MRPL37: variants seen among roughly 807,000 people sequenced by gnomAD.
MRPL37 encodes large ribosomal subunit protein mL37.
MRPL37 carries 34 observed loss-of-function variants against 44.1 expected under a neutral mutation model. That is an observed-to-expected ratio of 0.77 (90% CI 0.59 to 1.03). The LOEUF (loss-of-function observed/expected upper bound fraction) is 1.03. Among genes scored for constraint, MRPL37 ranks in the 50% least tolerant of loss-of-function variants. The pLI, the probability that MRPL37 is intolerant of heterozygous loss-of-function variation, is 0.00. For missense variants in MRPL37, 532 were observed against 543.7 expected (o/e 0.98, Z 0.21); for synonymous variants, 212 against 219.5 (o/e 0.97, Z 0.30).
chr1:54,205,490 C>T (rs1215596332), intron 3 of MRPL37, 80 bp downstream of exon 3: 4 of 1,168,946 alleles, frequency 3.4e-6, no homozygotes, highest in Non-Finnish European at 5.0e-6. Flanking sequence ...AGCTCCCATC[C>T]CCCTGCCCCC....
chr1:54,220,692 C>T, downstream of MRPL37: 1 of 471,586 alleles, frequency 2.1e-6, no homozygotes, highest in African/African-American at 2.0e-5. Context: ...GGAAGTGATG[C>T]AGCGGAACTT....
In MRPL37 at chr1:54,218,175, C is replaced by A. The variant is rs1408939937; in HGVS notation, c.1198C>A (p.Pro400Thr). The A allele has an allele frequency of 3.1e-6, 5 of 1,613,946 alleles. No individual in the cohort carries two copies. Among genetic ancestry groups the A allele is most frequent in the Non-Finnish European group, 4.2e-6 (5 of 1,179,904 alleles). Residue 400 changes from proline to threonine, a missense_variant, in exon 7 of 7, where the codon CCT becomes ACT. Transcript: ENST00000360840. ...TAATGAACCGTGTTCTTTCCAGGAA[C>A]CTGTTGGCCCAGTTGGTTTCAAGCC... ...PVIKKRVVVE[P>T]VGPVGFKPET...
At chr1:54,225,030 G>T, downstream of MRPL37, 2 of 1,180,932 alleles carry the variant, frequency 1.7e-6, no homozygotes, top group South Asian at 8.7e-5. Context: ...TCCCACCCGA[G>T]GGGAGAAAGC....
At position 54,212,510 on chromosome 1, in the gene MRPL37, A is replaced by C. The variant is rs1644171882; in HGVS notation, c.842A>C (p.Glu281Ala). 6.2e-7 allele frequency: 1 copy of C among 1,613,844 alleles called. No individual in the cohort carries two copies. Among genetic ancestry groups the C allele is most frequent in the Non-Finnish European group, 8.5e-7 (1 of 1,179,922 alleles). ...ATTGTGTCTCTTGCAGGATTCCAGG[A>C]AGGCTATCCTTACCCCTATCCCCAT... ...YDVKNDTGFQ[E>A]GYPYPYPHTL... The change falls in exon 5 of 7, where the codon GAA (glutamate) becomes GCA (alanine). Residue 281 changes from glutamate to alanine, a missense_variant. By Grantham distance (107) the Glu-to-Ala change is moderately radical (BLOSUM62 -1). Transcript: ENST00000360840.
At chr1:54,209,803 C>G in intron 3 of MRPL37, 143 bp from the exon 4 acceptor site, 2 of 802,646 alleles carry the variant, frequency 2.5e-6, no homozygotes, top group Non-Finnish European at 3.9e-6. Context: ...TGTCATGTTG[C>G]CCAGGCTGAC....
chr1:54,224,139 C>T (rs1223943223), downstream of MRPL37, among the ~76,000 whole-genome samples: 1 of 152,062 alleles, frequency 6.6e-6, no homozygotes, highest in Admixed American at 6.5e-5. Context: ...ATATCCCATC[C>T]ACCCAACCTC....
At chr1:54,220,096 A>G (rs1644222973), downstream of MRPL37, among the ~76,000 whole-genome samples, 1 of 152,012 alleles carries the variant, frequency 6.6e-6, no homozygotes, top group Non-Finnish European at 1.5e-5. Flanking sequence ...TTGGGAGTAC[A>G]GAGGAGGAGC....
chr1:54,222,743 A>G (rs1163858412), downstream of MRPL37, among the ~76,000 whole-genome samples: 3 of 152,064 alleles, frequency 2.0e-5, no homozygotes, highest in African/African-American at 2.4e-5. Flanking sequence ...AACAACTCCC[A>G]TGGTATGTCT....
At chr1:54,202,668 T>C (rs1644093305) in intron 1 of MRPL37, among the ~76,000 whole-genome samples, 1 of 152,150 alleles carries the variant, frequency 6.6e-6, no homozygotes, top group Admixed American at 6.5e-5. Context: ...GCCTGGCTAA[T>C]TTTTTGTATT....
At chr1:54,214,222 A>T (rs1356966562) in intron 5 of MRPL37, among the ~76,000 whole-genome samples, 1 of 152,168 alleles carries the variant, frequency 6.6e-6, no homozygotes, top group African/African-American at 2.4e-5. Flanking sequence ...CAACCACTGA[A>T]CTGAAATTTC....
chr1:54,216,871 C>T (rs1217975670), intron 6 of MRPL37, among the ~76,000 whole-genome samples: 1 of 151,998 alleles, frequency 6.6e-6, no homozygotes, highest in East Asian at 1.9e-4. Context: ...GTTTTTTTTC[C>T]TCCACCAAAC....
chr1:54,206,111 TTTTA>T (rs757463220), intron 3 of MRPL37, among the ~76,000 whole-genome samples: 1 of 148,302 alleles, frequency 6.7e-6, no homozygotes, highest in East Asian at 1.9e-4. Flanking sequence ...TATTTATTTA[TTTTA>T]TTTATTTATT....
At chr1:54,225,222 T>C, downstream of MRPL37, 2 of 1,234,314 alleles carry the variant, frequency 1.6e-6, no homozygotes, top group African/African-American at 1.5e-5. Context: ...GTGAGATGGA[T>C]ACCTTCCCTC....
At chr1:54,203,726 T>G (rs1644101136) in intron 1 of MRPL37, among the ~76,000 whole-genome samples, 1 of 151,936 alleles carries the variant, frequency 6.6e-6, no homozygotes, top group African/African-American at 2.4e-5. Context: ...TCTGCCCACC[T>G]CAGCCTCCCA....
chr1:54,225,145 C>T (rs75197297), downstream of MRPL37: 384 of 1,234,320 alleles, frequency 3.1e-4, no homozygotes, highest in East Asian at 2.9e-3. Flanking sequence ...GACATTCCAG[C>T]GGACCAAAAT....
downstream of MRPL37, chr1:54,220,673 C>T (rs530223247): frequency 1.5e-3 from 707 of 471,788 alleles, 16 homozygotes; most frequent in Admixed American, 0.015. Context: ...CCTCATTCAA[C>T]GCAGGAGAGG....
At chr1:54,218,968 C>A (rs1245147659), downstream of MRPL37, among the ~76,000 whole-genome samples, 1 of 152,256 alleles carries the variant, frequency 6.6e-6, no homozygotes, top group East Asian at 1.9e-4. Context: ...GGAATTTGCC[C>A]ACGGTCACCC....
chr1:54,210,070 C>T lies in MRPL37; in HGVS notation c.771C>T (p.Tyr257=), dbSNP rs761188343. ...AGAATCATGTTCTAGAGACCTTCTA[C>T]CCCATATCACCCATCATCGATCTTC... ...ATKNHVLETF[Y]PISPIIDLHE... The change falls in exon 4 of 7, where the codon TAC becomes TAT. Residue 257 remains tyrosine (Y), a synonymous_variant. Coordinates refer to ENST00000360840, the MANE Select transcript of MRPL37 (RefSeq NM_016491.4). 3 of 1,614,148 alleles carry T rather than the reference C, an allele frequency of 1.9e-6. No individual in the cohort carries two copies. Among genetic ancestry groups the T allele is most frequent in the Admixed American group, 3.3e-5 (2 of 60,022 alleles).
At chr1:54,225,067 G>A (rs1476620186), downstream of MRPL37, 29 of 1,231,678 alleles carry the variant, frequency 2.4e-5, no homozygotes, top group Admixed American at 8.4e-5. Flanking sequence ...CCTCCTGGCC[G>A]ATAGCGACTC....
Sources: gnomAD v4.1 joint callset for allele counts (sites outside exome capture counted in the v4.1 genomes callset) on GRCh38, gnomAD v4.1.1 for gene constraint, MANE v1.5 for transcripts, NCBI Gene and HGNC (gene_info 2026-07-23, HGNC 2026-07-21) for gene names.